NHERF4: variants seen among roughly 807,000 people sequenced by gnomAD.
The protein encoded by NHERF4 is NHERF family PDZ scaffold protein 4.
the NHERF4 span, chr11:119,188,487 A>C: frequency 1.9e-6 from 3 of 1,609,744 alleles, no homozygotes; most frequent in South Asian, 3.3e-5. Context: ...TCCAGGATCC[A>C]GGGGCAGGGC....
At chr11:119,185,716 A>C in the NHERF4 span, 1 of 794,112 alleles carries the variant, frequency 1.3e-6, no homozygotes, top group Non-Finnish European at 2.1e-6. Context: ...TTATGTGCCA[A>C]GGACTTGGGG....
the NHERF4 span, chr11:119,187,645 T>G: frequency 6.4e-7 from 1 of 1,555,606 alleles, no homozygotes; most frequent in Non-Finnish European, 8.7e-7. Context: ...GCCCGGCTGC[T>G]GGAAGTGAAT....
At chr11:119,189,135 C>A in the NHERF4 span, 5 of 1,613,808 alleles carry the variant, frequency 3.1e-6, no homozygotes, top group South Asian at 4.4e-5. This position sits in a 1 kb window ranked among gnomAD's most constrained non-coding sequence, Gnocchi z 5.8. Context: ...GCTGAGCCAC[C>A]CCTCTGCCTG....
At chr11:119,187,161 AAAAG>A in the NHERF4 span, 373 of 909,978 alleles carry the variant, frequency 4.1e-4, 2 homozygotes, top group East Asian at 7.1e-3. Context: ...AAAAAAAAGA[AAAAG>A]AAAAAAAGCC....
chr11:119,185,539 G>T, the NHERF4 span: 6 of 1,607,458 alleles, frequency 3.7e-6, no homozygotes, highest in Non-Finnish European at 4.3e-6. Flanking sequence ...TCCTCTGCAG[G>T]GGACTTTGGG....
chr11:119,186,660 T>C, the NHERF4 span: 5 of 1,610,070 alleles, frequency 3.1e-6, no homozygotes, highest in African/African-American at 1.3e-5. This position sits in a 1 kb window ranked among gnomAD's most constrained non-coding sequence, Gnocchi z 4.4. Flanking sequence ...CGGTGAACAA[T>C]GATGTTGTGG....
At chr11:119,189,608 C>A in the NHERF4 span, 3 of 1,204,258 alleles carry the variant, frequency 2.5e-6, no homozygotes, top group East Asian at 2.3e-5. This position sits in a 1 kb window ranked among gnomAD's most constrained non-coding sequence, Gnocchi z 5.8. Context: ...CAGACACCAC[C>A]GATCACAGGC....
At chr11:119,187,329 T>C in the NHERF4 span, 1 of 1,613,254 alleles carries the variant, frequency 6.2e-7, no homozygotes. Flanking sequence ...TGGCACGGCA[T>C]GCACATGACG....
chr11:119,188,853 C>T, the NHERF4 span: 104 of 1,614,146 alleles, frequency 6.4e-5, no homozygotes, highest in African/African-American at 1.1e-3. Context: ...TGGGCCTCGT[C>T]TCTTCATCTC....
chr11:119,186,220 C>T, the NHERF4 span: 1 of 1,614,112 alleles, frequency 6.2e-7, no homozygotes. This position sits in a 1 kb window ranked among gnomAD's most constrained non-coding sequence, Gnocchi z 4.4. Flanking sequence ...ACCACGGCTC[C>T]ACACGGCCTC....
the NHERF4 span, chr11:119,186,058 C>T: frequency 6.2e-7 from 1 of 1,609,740 alleles, no homozygotes; most frequent in Non-Finnish European, 8.5e-7. This position sits in a 1 kb window ranked among gnomAD's most constrained non-coding sequence, Gnocchi z 4.4. Flanking sequence ...AGTCCAGCTG[C>T]CAGCTTGTAC....
At chr11:119,186,387 A>T in the NHERF4 span, 1 of 1,555,424 alleles carries the variant, frequency 6.4e-7, no homozygotes, top group East Asian at 2.2e-5. This position sits in a 1 kb window ranked among gnomAD's most constrained non-coding sequence, Gnocchi z 4.4. Context: ...CCAGCACCCT[A>T]TCAGGACACA....
At chr11:119,186,200 C>A in the NHERF4 span, 219 of 1,614,154 alleles carry the variant, frequency 1.4e-4, 1 homozygote, top group African/African-American at 2.6e-3. This position sits in a 1 kb window ranked among gnomAD's most constrained non-coding sequence, Gnocchi z 4.4. Flanking sequence ...CATTCCCTAT[C>A]CCTGGAGGCA....
At chr11:119,188,853 C>A in the NHERF4 span, 1 of 1,614,146 alleles carries the variant, frequency 6.2e-7, no homozygotes. Flanking sequence ...TGGGCCTCGT[C>A]TCTTCATCTC....
At chr11:119,187,334 A>G in the NHERF4 span, 7 of 1,613,468 alleles carry the variant, frequency 4.3e-6, no homozygotes, top group Non-Finnish European at 5.1e-6. Context: ...CGGCATGCAC[A>G]TGACGTGGCC....
chr11:119,186,786 C>A, the NHERF4 span: 12 of 1,198,502 alleles, frequency 1.0e-5, no homozygotes, highest in Non-Finnish European at 1.3e-5. This position sits in a 1 kb window ranked among gnomAD's most constrained non-coding sequence, Gnocchi z 4.4. Context: ...ACAAGCCTCA[C>A]TCCCCCACAC....
At chr11:119,188,691 C>T in the NHERF4 span, 1 of 1,614,194 alleles carries the variant, frequency 6.2e-7, no homozygotes, top group Non-Finnish European at 8.5e-7. Context: ...TCCCGCCTCG[C>T]CCCGGGGCAG....
chr11:119,185,728 G>C, the NHERF4 span: 7 of 808,784 alleles, frequency 8.7e-6, no homozygotes, highest in Non-Finnish European at 1.5e-5. Context: ...GACTTGGGGG[G>C]AGAGAAAGGG....
chr11:119,188,492 C>T, the NHERF4 span: 1 of 1,608,540 alleles, frequency 6.2e-7, no homozygotes, highest in Middle Eastern at 1.7e-4. Context: ...GATCCAGGGG[C>T]AGGGCTCCTG....
Sources: allele counts gnomAD v4.1 joint callset, GRCh38; gene constraint gnomAD v4.1.1; non-coding constraint Gnocchi (gnomAD v3.1); transcripts MANE v1.5; gene names NCBI Gene and HGNC (gene_info 2026-07-23, HGNC 2026-07-21).